The following POMGNT1 variants were observed in gnomAD, a reference collection of about 807,000 sequenced individuals.
POMGNT1 encodes the protein protein O-linked-mannose beta-1,2-N-acetylglucosaminyltransferase 1.
A neutral mutation model predicts 95.6 loss-of-function variants in POMGNT1; 67 were observed. The ratio of observed to expected loss-of-function variants is 0.70; its 90% CI spans 0.58 to 0.86. The LOEUF is 0.86. Ranked by LOEUF, POMGNT1 falls within the 40% of genes least tolerant of loss-of-function variation. The pLI, the probability that POMGNT1 is intolerant of heterozygous loss-of-function variation, is 0.00. For synonymous variants in POMGNT1, 298 were observed against 317.9 expected (o/e 0.94, Z 0.66); for missense variants, 719 against 855.2 (o/e 0.84, Z 1.99).
At chr1:46,202,920 G>GGTGTGTGTGTGT (rs10689850), upstream of POMGNT1, among the ~76,000 whole-genome samples, 84 of 64,510 alleles carry the variant, frequency 1.3e-3, no homozygotes, top group African/African-American at 4.1e-3. Context: ...GGGGGGGGGT[G>GGTGTGTGTGTGT]GTGTGTGTGT....
At chr1:46,190,049 C>T (rs1657635736) in intron 19 of POMGNT1, 60 bp from the exon 20 acceptor site, 5 of 1,584,726 alleles carry the variant, frequency 3.2e-6, no homozygotes, top group Non-Finnish European at 4.3e-6. Context: ...GTGTGTCCCA[C>T]AGGACCCTGT....
At position 46,192,377 on chromosome 1, in the gene POMGNT1, C is replaced by A. The variant is rs183932527; in HGVS notation, c.1344G>T (p.Gly448=). The change falls in exon 16 of 22, where the codon GGG becomes GGT. Residue 448 remains glycine, a synonymous_variant. Transcript: ENST00000371984. ...AGGACCTCCTGAGCACCCAGCCCAGCCCAGGCATGGTCTCCACACGGTACA... is the reference window on the plus strand; with the variant it reads ...AGGACCTCCTGAGCACCCAGCCCAGACCAGGCATGGTCTCCACACGGTACA... ...ALLYRVETMP[G]LGWVLRRSLY... The A allele has an allele frequency of 8.1e-6, 13 of 1,614,214 alleles. No individual in the cohort carries two copies. Among genetic ancestry groups the A allele is most frequent in the Admixed American group, 6.7e-5 (4 of 60,032 alleles).
rs373686838 is a variant in POMGNT1, at chr1:46,197,013, G to A, written c.192C>T (p.Ala64=). 79 of 1,614,050 alleles carry A rather than the reference G, an allele frequency of 4.9e-5. No individual in the cohort carries two copies. Among genetic ancestry groups the A allele is most frequent in the Non-Finnish European group, 6.6e-5 (78 of 1,180,012 alleles). Residue 64 remains alanine, a synonymous_variant, in exon 3 of 22, where the codon GCC becomes GCT. Transcript: ENST00000371984. Reference sequence around the variant, plus strand: ...CTGGGTCTTCATTGGCTTCACTGATGGCTCGCCGAGTGTCCAGGATCAACT... The same window carrying A: ...CTGGGTCTTCATTGGCTTCACTGATAGCTCGCCGAGTGTCCAGGATCAACT... ...NIKLILDTRR[A]ISEANEDPEP...
Position 46,188,688 on chromosome 1 carries a change from A to G in POMGNT1, c.*582T>C. ...AATCACAATCACAAGACATCCCCAGAGGGCTTCTCCTTTTTTAATCAATGA... is the reference window on the plus strand; with the variant it reads ...AATCACAATCACAAGACATCCCCAGGGGGCTTCTCCTTTTTTAATCAATGA... On this transcript the variant is annotated 3_prime_UTR_variant, in exon 22 of 22. Transcript: ENST00000371984. 1 of 1,592,992 alleles carries G rather than the reference A, an allele frequency of 6.3e-7. No individual in the cohort carries two copies. The highest frequency in any genetic ancestry group is 8.6e-7 in the Non-Finnish European group (1 of 1,167,148).
Position 46,190,336 on chromosome 1 carries a change from G to A in POMGNT1, c.1649+137C>T, listed in dbSNP as rs994321991. 6.4e-5 allele frequency: 76 copies of A among 1,192,328 alleles called. No individual in the cohort carries two copies. The African/African-American group carries it at 8.6e-4, about 13-fold the overall frequency. 73.9% of individuals were successfully genotyped at this position (1,192,328 alleles called of 1,614,324 possible). On this transcript the variant is annotated intron_variant, in intron 19 of 21. Transcript: ENST00000371984. Reference sequence around the variant, plus strand: ...TGGGATTACAGGCGTGAGCCACCGCGCCCGGCCTGAAGTTCCTAATGTTTG... The same window carrying A: ...TGGGATTACAGGCGTGAGCCACCGCACCCGGCCTGAAGTTCCTAATGTTTG...
At position 46,190,202 on chromosome 1, in the gene POMGNT1, G is replaced by T. The variant is rs922423941; in HGVS notation, c.1650-213C>A. 1.4e-4 allele frequency: 87 copies of T among 643,138 alleles called. 1 individual carries two copies. In the South Asian group the frequency reaches 1.7e-3, roughly 13 times the overall value. The allele number at this position is 643,138 out of a possible 1,614,324, so 39.8% of individuals were successfully genotyped here. ...TGGGACTACAGGCGCCTGCCACCAC[G>T]CCCGGCTAATTTTTTGTATTTTTAG... On this transcript the variant is annotated intron_variant, in intron 19 of 21. Coordinates refer to ENST00000371984, the MANE Select transcript of POMGNT1 (RefSeq NM_017739.4).
intron 1 of POMGNT1, among the ~76,000 whole-genome samples, chr1:46,216,975 A>G (rs1017628160): frequency 6.6e-6 from 1 of 152,202 alleles, no homozygotes; most frequent in Non-Finnish European, 1.5e-5. Flanking sequence ...TGATTTCATT[A>G]TATCTTATGG....
At chr1:46,190,538 G>A (rs1230074521) in intron 18 of POMGNT1, 21 bp from the exon 19 acceptor site, 1 of 1,593,432 alleles carries the variant, frequency 6.3e-7, no homozygotes, top group Non-Finnish European at 8.6e-7. Flanking sequence ...GGGAGAAATG[G>A]GTCAGGGGAG....
intron 17 of POMGNT1, 193 bp from the exon 18 acceptor site, chr1:46,190,977 A>G (rs529195446): frequency 1.3e-5 from 8 of 604,202 alleles, no homozygotes; most frequent in African/African-American, 1.3e-4. Flanking sequence ...TTTGGCCTCC[A>G]CCATTGCTGG....
chr1:46,208,468 G>C (rs554865649), intron 1 of POMGNT1, among the ~76,000 whole-genome samples: 1 of 152,296 alleles, frequency 6.6e-6, no homozygotes, highest in South Asian at 2.1e-4. Context: ...TCGAGGAAGG[G>C]CAAGGAAGAC....
At chr1:46,216,043 C>CTTTTTTTTTTTTTTT (rs141982741) in intron 1 of POMGNT1, among the ~76,000 whole-genome samples, 35 of 92,540 alleles carry the variant, frequency 3.8e-4, no homozygotes, top group African/African-American at 6.0e-4. Context: ...TTTATTTTAT[C>CTTTTTTTTTTTTTTT]TTTTTTTTTT....
intron 1 of POMGNT1, among the ~76,000 whole-genome samples, chr1:46,208,646 C>T (rs1176257387): frequency 6.6e-6 from 1 of 152,046 alleles, no homozygotes; most frequent in Non-Finnish European, 1.5e-5. Context: ...AGTTCGAGAC[C>T]AGCCTGACCA....
At chr1:46,208,002 G>A (rs762589880) in intron 1 of POMGNT1, among the ~76,000 whole-genome samples, 5 of 151,940 alleles carry the variant, frequency 3.3e-5, no homozygotes, top group Non-Finnish European at 2.9e-5. Context: ...TGAGTAGCTG[G>A]GATTACAGGC....
chr1:46,209,958 G>A (rs759860703), intron 1 of POMGNT1, among the ~76,000 whole-genome samples: 2 of 152,190 alleles, frequency 1.3e-5, no homozygotes, highest in Admixed American at 6.5e-5. Flanking sequence ...GACTAGGACA[G>A]TTGTCTTCAC....
intron 1 of POMGNT1, among the ~76,000 whole-genome samples, chr1:46,212,862 C>G (rs548601340): frequency 6.6e-6 from 1 of 152,050 alleles, no homozygotes; most frequent in Non-Finnish European, 1.5e-5. Context: ...CGAGTTCACA[C>G]CATTCTCTTG....
chr1:46,211,745 A>C (rs941300002), intron 1 of POMGNT1, among the ~76,000 whole-genome samples: 2 of 152,084 alleles, frequency 1.3e-5, no homozygotes, highest in Non-Finnish European at 2.9e-5. Context: ...TCCAGTGTCT[A>C]ATTTTCTCAA....
Position 46,196,626 on chromosome 1 carries a change from A to G in POMGNT1, c.354+105T>C, listed in dbSNP as rs990727947. 6 of 1,600,776 alleles carry G rather than the reference A, an allele frequency of 3.7e-6. No homozygotes were observed. The African/African-American group carries it at 8.0e-5, about 21-fold the overall frequency. ...GAGGACTCCAAAGTCACACAGCTAG[A>G]AACTGGCAGAGTTGCAGTTCCCACT... On this transcript the variant is annotated intron_variant, in intron 4 of 21. Transcript: ENST00000371984. The surrounding 1 kb of genome is among the most constrained non-coding windows in gnomAD (Gnocchi z 4.4).
At position 46,194,701 on chromosome 1, in the gene POMGNT1, G is replaced by C. The variant is rs1288623126; in HGVS notation, c.653-50C>G. 5 of 1,614,066 alleles carry C rather than the reference G, an allele frequency of 3.1e-6. No homozygotes were observed. In the East Asian group the frequency reaches 8.9e-5, roughly 29 times the overall value. ...CATGGGGGCCCAGACACCAGTTTGG[G>C]GGCTTTTTCCCATCTCCCTGCCTAC... On this transcript the variant is annotated intron_variant, in intron 7 of 21. Coordinates refer to ENST00000371984, the MANE Select transcript of POMGNT1 (RefSeq NM_017739.4).
chr1:46,210,736 T>C (rs1348495388), intron 1 of POMGNT1, among the ~76,000 whole-genome samples: 1 of 152,216 alleles, frequency 6.6e-6, no homozygotes, highest in Non-Finnish European at 1.5e-5. Flanking sequence ...ACCCTCCATC[T>C]GTTCAGCTAC....
Sources: allele counts gnomAD v4.1 joint callset (sites outside exome capture counted in the v4.1 genomes callset), GRCh38; gene constraint gnomAD v4.1.1; non-coding constraint Gnocchi (gnomAD v3.1); transcripts MANE v1.5; gene names NCBI Gene and HGNC (gene_info 2026-07-23, HGNC 2026-07-21).